Variants in RRP15 observed in about 807,000 individuals in gnomAD.
RRP15 encodes the protein RRP15-like protein.
Under a neutral mutation model 27.1 loss-of-function variants are expected in RRP15, and 18 were observed. The observed-to-expected ratio is 0.66, with a 90% CI of 0.46 to 0.98. The LOEUF (loss-of-function observed/expected upper bound fraction) is 0.98. Among genes scored for constraint, RRP15 ranks in the 50% least tolerant of loss-of-function variants. The probability of loss-of-function intolerance (pLI) is 0.00; values close to 1 mark genes in which losing one functional copy is unlikely to be tolerated. For missense variants in RRP15, 359 were observed against 337.8 expected, an observed-to-expected ratio of 1.06 and a Z score of -0.49; for synonymous variants, 107 against 109.4, an observed-to-expected ratio of 0.98 and a Z score of 0.14.
rs1386687497 is a variant in RRP15, at chr1:218,331,707, CTG to C, written c.*619_*620del. On this transcript the variant is annotated 3_prime_UTR_variant, in exon 5 of 5. Coordinates refer to ENST00000366932, the MANE Select transcript of RRP15 (RefSeq NM_016052.4). The stretch of plus-strand genomic sequence containing the variant: ...TTTTTTTTTGAGACGGAGTCTTGCT[CTG>C]TGGCCCCGGATGGAATGCAGTGGCG... The C allele has an allele frequency of 3.0e-5, 3 of 99,148 alleles. No homozygotes were observed. The highest frequency in any genetic ancestry group is 1.1e-4 in the African/African-American group (3 of 26,416). The allele number at this position is 99,148 out of a possible 1,614,324, so 6.1% of individuals were successfully genotyped here. A position where few individuals can be genotyped will look rare whatever the true frequency, so the allele number is the denominator to read the frequency against.
In RRP15 at chr1:218,331,074, A is replaced by G. The variant is rs1005802071; in HGVS notation, c.832A>G (p.Ser278Gly). ...AGATGACAGCAGACCAGAATCTGCA[A>G]GTGACTCTGATACATAAAGCATCAT... The part of the protein sequence containing the change: ...GPDDSRPESA[S>G]DSDT The change falls in exon 5 of 5, where the codon AGT becomes GGT. Residue 278 changes from serine to glycine, a missense_variant. Coordinates refer to ENST00000366932, the MANE Select transcript of RRP15 (RefSeq NM_016052.4). The G allele has an allele frequency of 1.2e-6, 2 of 1,611,966 alleles. No individual in the cohort carries two copies. Among genetic ancestry groups the G allele is most frequent in the Admixed American group, 1.7e-5 (1 of 59,930 alleles).
intron 1 of RRP15, 115 bp downstream of exon 1, chr1:218,285,570 A>G (rs1655532598): frequency 7.3e-7 from 1 of 1,377,284 alleles, no homozygotes; most frequent in African/African-American, 1.5e-5. Context: ...TCTTGGCACC[A>G]CTTCAGAGGG....
intron 4 of RRP15, among the ~76,000 whole-genome samples, chr1:218,320,205 C>G (rs1011271040): frequency 1.3e-4 from 19 of 145,644 alleles, no homozygotes; most frequent in African/African-American, 2.8e-4. Flanking sequence ...AGCTATCCCT[C>G]CCCCTTCCCC....
intron 1 of RRP15, among the ~76,000 whole-genome samples, chr1:218,297,902 G>A (rs575216297): frequency 6.6e-6 from 1 of 152,128 alleles, no homozygotes; most frequent in Non-Finnish European, 1.5e-5. Flanking sequence ...GCATTTCTTG[G>A]ATCATAAATC....
chr1:218,302,236 T>C, intron 1 of RRP15, 58 bp from the exon 2 acceptor site: 2 of 1,399,530 alleles, frequency 1.4e-6, no homozygotes, highest in Non-Finnish European at 2.0e-6. Context: ...CGGGGGGCCT[T>C]GGCAGCCTCT....
At chr1:218,312,999 C>T (rs187778364) in intron 4 of RRP15, among the ~76,000 whole-genome samples, 7 of 152,134 alleles carry the variant, frequency 4.6e-5, no homozygotes, top group Non-Finnish European at 1.0e-4. Flanking sequence ...TTATTCCTTA[C>T]GCATTTGGAG....
chr1:218,313,709 T>C (rs1350638269), intron 4 of RRP15, among the ~76,000 whole-genome samples: 2 of 152,174 alleles, frequency 1.3e-5, no homozygotes, highest in Non-Finnish European at 2.9e-5. Context: ...GAGTCCTGTA[T>C]GTCTTAGTAG....
intron 4 of RRP15, among the ~76,000 whole-genome samples, chr1:218,317,761 G>C (rs1478143141): frequency 1.4e-5 from 2 of 147,042 alleles, no homozygotes; most frequent in African/African-American, 5.1e-5. Flanking sequence ...TTAAAGACAG[G>C]GTCTTGGTGT....
At chr1:218,317,260 G>A (rs1161028916) in intron 4 of RRP15, among the ~76,000 whole-genome samples, 2 of 152,212 alleles carry the variant, frequency 1.3e-5, no homozygotes, top group African/African-American at 4.8e-5. Context: ...ACTTACTAGC[G>A]TATGCTTTGT....
rs184685494 is a variant in RRP15, at chr1:218,336,975, A to G, written c.*5884A>G. On this transcript the variant is annotated 3_prime_UTR_variant, in exon 5 of 5. Coordinates refer to ENST00000366932, the MANE Select transcript of RRP15 (RefSeq NM_016052.4). ...TGTTCGTTGTTAGATGAGAGACAGCATAATTTTGGAATCACAACTGAGTTC... is the reference window on the plus strand; with the variant it reads ...TGTTCGTTGTTAGATGAGAGACAGCGTAATTTTGGAATCACAACTGAGTTC... The G allele has an allele frequency of 3.6e-4, 55 of 152,364 alleles. No homozygotes were observed. Among genetic ancestry groups the G allele is most frequent in the Admixed American group, 2.4e-3 (37 of 15,306 alleles). 9.4% of individuals were successfully genotyped at this position (152,364 alleles called of 1,614,324 possible).
At chr1:218,329,155 C>A (rs959139259) in intron 4 of RRP15, among the ~76,000 whole-genome samples, 3 of 136,406 alleles carry the variant, frequency 2.2e-5, no homozygotes, top group African/African-American at 8.1e-5. Context: ...AATCCCAGCA[C>A]TTTGGGAAGC....
chr1:218,296,293 T>C (rs904392199), intron 1 of RRP15, among the ~76,000 whole-genome samples: 2 of 152,260 alleles, frequency 1.3e-5, no homozygotes, highest in South Asian at 2.1e-4. Flanking sequence ...TTTGAGCATG[T>C]TTTTAACTTT....
rs1656450218 is a variant in RRP15 at position 218,336,459 on chromosome 1, A to C, written c.*5368A>C. 1 of 152,654 alleles carries C rather than the reference A, an allele frequency of 6.6e-6. No homozygotes were observed. The highest frequency in any genetic ancestry group is 2.1e-4 in the South Asian group (1 of 4,832). The allele number at this position is 152,654 out of a possible 1,614,324, so 9.5% of individuals were successfully genotyped here. The stretch of plus-strand genomic sequence containing the variant: ...GAGGTCAGGACCAACTGGGGCTCTA[A>C]ATGGAGAGACAGCTGAGAGCTGTGT... On this transcript the variant is annotated 3_prime_UTR_variant, in exon 5 of 5. Coordinates refer to ENST00000366932, the MANE Select transcript of RRP15 (RefSeq NM_016052.4).
chr1:218,311,021 TTAC>T (rs1655987087), intron 4 of RRP15, among the ~76,000 whole-genome samples: 1 of 152,216 alleles, frequency 6.6e-6, no homozygotes, highest in Non-Finnish European at 1.5e-5. Flanking sequence ...AGTGCTGGGA[TTAC>T]AGGCATGACC....
At chr1:218,313,972 TTTTTATTTTATTTTA>T (rs66715330) in intron 4 of RRP15, among the ~76,000 whole-genome samples, 40 of 147,276 alleles carry the variant, frequency 2.7e-4, no homozygotes, top group African/African-American at 4.3e-4. Flanking sequence ...CCCCGAGTGA[TTTTTATTTTATTTTA>T]TTTTATTTTA....
At chr1:218,324,636 G>A (rs1656242827) in intron 4 of RRP15, among the ~76,000 whole-genome samples, 1 of 152,140 alleles carries the variant, frequency 6.6e-6, no homozygotes, top group African/African-American at 2.4e-5. Flanking sequence ...ATCAGTTTGA[G>A]GCATTATCTA....
intron 4 of RRP15, among the ~76,000 whole-genome samples, chr1:218,330,548 GC>G (rs1173816279): frequency 1.3e-5 from 2 of 152,028 alleles, no homozygotes; most frequent in African/African-American, 4.8e-5. Flanking sequence ...ATTGTCAGTT[GC>G]GGTGAAATAA....
rs1420188590 is a variant in RRP15 at position 218,337,674 on chromosome 1, G to C, written c.*6583G>C. ...AATGTAATTTTTGACAGTCTGAAAA[G>C]ACAGGCCTTATATTTATATTGAGAA... On this transcript the variant is annotated 3_prime_UTR_variant, in exon 5 of 5. Coordinates refer to ENST00000366932, the MANE Select transcript of RRP15 (RefSeq NM_016052.4). The C allele has an allele frequency of 1.3e-5, 2 of 152,126 alleles. No homozygotes were observed. The highest frequency in any genetic ancestry group is 1.3e-4 in the Admixed American group (2 of 15,270). 9.4% of individuals were successfully genotyped at this position (152,126 alleles called of 1,614,324 possible). A position where few individuals can be genotyped will look rare whatever the true frequency, so the allele number is the denominator to read the frequency against.
At chr1:218,305,222 C>A in intron 3 of RRP15, 97 bp downstream of exon 3, 1 of 864,772 alleles carries the variant, frequency 1.2e-6, no homozygotes, top group Non-Finnish European at 1.8e-6. Flanking sequence ...TCAGCCTTCT[C>A]AGAGCCAAGT....
Sources: gnomAD v4.1 joint callset for allele counts (sites outside exome capture counted in the v4.1 genomes callset) on GRCh38, gnomAD v4.1.1 for gene constraint, MANE v1.5 for transcripts, NCBI Gene and HGNC (gene_info 2026-07-23, HGNC 2026-07-21) for gene names.